Variants in MICAL3 observed in about 807,000 individuals in gnomAD.
MICAL3 encodes the protein [F-actin]-monooxygenase MICAL3.
In MICAL3, 62 loss-of-function variants were observed where a neutral mutation model predicts 207.4. The ratio of observed to expected loss-of-function variants is 0.30; its 90% CI spans 0.24 to 0.37. MICAL3 has a LOEUF of 0.37. Ranked by LOEUF, MICAL3 falls within the 10% of genes least tolerant of loss-of-function variation. The pLI is 1.00. For synonymous variants in MICAL3, 1,077 were observed against 1,069.3 expected, an observed-to-expected ratio of 1.01 and a Z score of -0.14; for missense variants, 2,368 against 2,635.6, an observed-to-expected ratio of 0.90 and a Z score of 2.22.
At position 17,886,042 on chromosome 22, in the gene MICAL3, G is replaced by T; in HGVS notation, c.2077C>A (p.Pro693Thr). 6.2e-7 allele frequency: 1 copy of T among 1,613,948 alleles called. No individual in the cohort carries two copies. The highest frequency in any genetic ancestry group is 1.1e-5 in the South Asian group (1 of 91,072). ...KTSQSEEEEA[P>T]RGHRGERPTL... The stretch of plus-strand genomic sequence containing the variant: ...GGTCTTTCTCCTCTGTGGCCCCGAG[G>T]AGCTTCCTCCTGGTCAATGCCAACC... The change falls in exon 16 of 32, where the codon CCT becomes ACT. Residue 693 changes from proline to threonine, a missense_variant. This residue lies in a region of MICAL3 where 1,770 missense variants were observed against 1,863.2 expected (regional missense o/e 0.95). Transcript: ENST00000441493.
At chr22:17,863,649 C>T (rs1334008782) in intron 19 of MICAL3, 16 of 985,350 alleles carry the variant, frequency 1.6e-5, no homozygotes, top group Non-Finnish European at 1.7e-5. Context: ...GCAGAAGCTG[C>T]GTTCACCTGG....
chr22:17,998,474 G>A (rs1005877933), intron 1 of MICAL3, among the ~76,000 whole-genome samples: 1 of 151,646 alleles, frequency 6.6e-6, no homozygotes, highest in Non-Finnish European at 1.5e-5. Flanking sequence ...TGAGATAACA[G>A]GTCATGAAAA....
intron 19 of MICAL3, chr22:17,864,070 G>A (rs1014562357): frequency 3.0e-6 from 3 of 987,018 alleles, no homozygotes; most frequent in Non-Finnish European, 3.6e-6. Flanking sequence ...AGCTCTGGAC[G>A]CATCTCACAG....
chr22:17,878,061 G>A (rs1005952964), intron 16 of MICAL3, among the ~76,000 whole-genome samples: 1 of 152,086 alleles, frequency 6.6e-6, no homozygotes, highest in Non-Finnish European at 1.5e-5. Context: ...CACTGTGTTA[G>A]CCAGGATGGT....
At chr22:17,925,951 C>A (rs1373825754) in intron 1 of MICAL3, among the ~76,000 whole-genome samples, 1 of 152,074 alleles carries the variant, frequency 6.6e-6, no homozygotes, top group Non-Finnish European at 1.5e-5. Flanking sequence ...TTTTCTAAAT[C>A]ACTGATCAAA....
intron 19 of MICAL3, chr22:17,861,035 C>A (rs1926465925): frequency 2.0e-6 from 2 of 985,348 alleles, no homozygotes; most frequent in Admixed American, 1.2e-4. Context: ...ACATCACCGT[C>A]AGCTATGGCT....
At position 17,818,617 on chromosome 22, in the gene MICAL3, C is replaced by A. The variant is rs1569078551; in HGVS notation, c.4044G>T (p.Gly1348=). The A allele has an allele frequency of 6.2e-7, 1 of 1,613,604 alleles. No individual in the cohort carries two copies. The highest frequency in any genetic ancestry group is 8.5e-7 in the Non-Finnish European group (1 of 1,179,892). ...CAGGCGTGGGGAAGCTGGGCTCGGG[C>A]CCCTTGCTGCGGTCCACAGGTGTGA... ...LGLTPVDRSK[G]PEPSFPTPAF... The change falls in exon 26 of 32, where the codon GGG becomes GGT. Residue 1348 remains glycine (G), a synonymous_variant. Coordinates refer to ENST00000441493, the MANE Select transcript of MICAL3 (RefSeq NM_015241.3).
At position 17,900,019 on chromosome 22, in the gene MICAL3, G is replaced by C. The variant is rs946216735; in HGVS notation, c.848-471C>G. Among the ~76,000 whole-genome samples, 2 of 152,168 alleles carry C rather than the reference G, an allele frequency of 1.3e-5. No homozygotes were observed. Among genetic ancestry groups the C allele is most frequent in the African/African-American group, 2.4e-5 (1 of 41,442 alleles). On this transcript the variant is annotated intron_variant, in intron 6 of 31. Transcript: ENST00000441493. The surrounding 1 kb of genome is among the most constrained non-coding windows in gnomAD (Gnocchi z 4.0). ...AATAGATGTAATGAAAAGAAATCAA[G>C]TTCTAGAAAACAAGAGAATGAAGGC...
chr22:17,963,635 C>A (rs1935017830), intron 1 of MICAL3, among the ~76,000 whole-genome samples: 1 of 152,128 alleles, frequency 6.6e-6, no homozygotes, highest in Admixed American at 6.5e-5. Flanking sequence ...TTCCTGTGAG[C>A]CCGCACCCCA....
chr22:17,967,193 T>C (rs1935180252), intron 1 of MICAL3, among the ~76,000 whole-genome samples: 1 of 152,168 alleles, frequency 6.6e-6, no homozygotes, highest in Admixed American at 6.5e-5. Flanking sequence ...CTGGCATAAC[T>C]ACTCGTTTTC....
At chr22:17,875,993 T>G (rs1417594466) in intron 16 of MICAL3, among the ~76,000 whole-genome samples, 1 of 152,164 alleles carries the variant, frequency 6.6e-6, no homozygotes, top group East Asian at 1.9e-4. Context: ...GCCTTAGAAG[T>G]AGCAGGCAGC....
intron 1 of MICAL3, among the ~76,000 whole-genome samples, chr22:17,952,643 T>C (rs749028205): frequency 6.6e-6 from 1 of 152,200 alleles, no homozygotes; most frequent in Non-Finnish European, 1.5e-5. Flanking sequence ...TCATAAGCCA[T>C]CTGAGCTCCC....
chr22:17,987,059 G>A (rs772897664), intron 1 of MICAL3, among the ~76,000 whole-genome samples: 11 of 151,844 alleles, frequency 7.2e-5, no homozygotes, highest in South Asian at 4.2e-4. Context: ...GCAACACAGC[G>A]AGACCCCATC....
chr22:17,913,485 G>A (rs1602208132), intron 1 of MICAL3, among the ~76,000 whole-genome samples: 1 of 152,148 alleles, frequency 6.6e-6, no homozygotes, highest in African/African-American at 2.4e-5. Context: ...GTGGTATCCA[G>A]GAATGCAACA....
chr22:17,889,059 C>A lies in MICAL3; in HGVS notation c.1866G>T (p.Met622Ile). 1 of 1,609,034 alleles carries A rather than the reference C, an allele frequency of 6.2e-7. No individual in the cohort carries two copies. The highest frequency in any genetic ancestry group is 8.5e-7 in the Non-Finnish European group (1 of 1,175,840). Reference protein sequence around the residue: ...MVMYLTQFYEMFKDSLPSSDT... With the variant: ...MVMYLTQFYEIFKDSLPSSDT... The stretch of plus-strand genomic sequence containing the variant: ...CGCTAGAGGGGAGGGAGTCCTTAAA[C>A]ATCTCGTAGAACTGAGTCAGGTACA... The change falls in exon 13 of 32, where the codon ATG (methionine) becomes ATT (isoleucine). Residue 622 changes from methionine (M) to isoleucine (I), a missense_variant. Met to Ile is a conservative substitution (Grantham distance 10). Coordinates refer to ENST00000441493, the MANE Select transcript of MICAL3 (RefSeq NM_015241.3).
intron 1 of MICAL3, among the ~76,000 whole-genome samples, chr22:17,972,461 C>T (rs1056965191): frequency 2.6e-5 from 4 of 152,100 alleles, no homozygotes; most frequent in Non-Finnish European, 5.9e-5. Flanking sequence ...AACAGGTGAA[C>T]GGACGTACGG....
chr22:17,819,220 C>T, intron 25 of MICAL3, 91 bp from the exon 26 acceptor site: 1 of 1,298,968 alleles, frequency 7.7e-7, no homozygotes, highest in Non-Finnish European at 1.0e-6. Context: ...AAAGTGCCTG[C>T]ACCTGTGCCT....
intron 1 of MICAL3, among the ~76,000 whole-genome samples, chr22:18,014,901 G>C (rs1923958330): frequency 6.6e-6 from 1 of 151,978 alleles, no homozygotes; most frequent in South Asian, 2.1e-4. Context: ...GCTGAGGCAG[G>C]AGAATGGCAT....
intron 1 of MICAL3, among the ~76,000 whole-genome samples, chr22:17,916,013 C>T (rs1254399976): frequency 1.5e-5 from 2 of 134,370 alleles, no homozygotes; most frequent in African/African-American, 5.6e-5. Flanking sequence ...ACCATGGTTG[C>T]ACCACTGCAT....
Sources: allele counts gnomAD v4.1 joint callset (sites outside exome capture counted in the v4.1 genomes callset), GRCh38; gene constraint gnomAD v4.1.1; regional missense constraint gnomAD v4.1.1; non-coding constraint Gnocchi (gnomAD v3.1); transcripts MANE v1.5; gene names NCBI Gene and HGNC (gene_info 2026-07-23, HGNC 2026-07-21).